Variants in CPLANE1 observed in about 807,000 individuals in gnomAD.
The protein encoded by CPLANE1 is ciliogenesis and planar polarity effector complex subunit 1.
Under a neutral mutation model 362.5 loss-of-function variants are expected in CPLANE1, and 263 were observed. The ratio of observed to expected loss-of-function variants is 0.73; its 90% CI spans 0.66 to 0.80. The LOEUF (loss-of-function observed/expected upper bound fraction) is 0.80, where lower values mean the gene tolerates loss of function less well. CPLANE1 is among the 30% of genes least tolerant of loss of function. CPLANE1 has a pLI of 0.00. For missense variants in CPLANE1, 3,461 were observed against 3,793.4 expected (o/e 0.91, Z 2.30); for synonymous variants, 1,212 against 1,302.6 (o/e 0.93, Z 1.50).
Position 37,106,921 on chromosome 5 carries a change from C to T in CPLANE1, c.*681G>A. The T allele has an allele frequency of 2.0e-6, 2 of 985,258 alleles. No homozygotes were observed. The highest frequency in any genetic ancestry group is 2.4e-6 in the Non-Finnish European group (2 of 829,822). The allele number at this position is 985,258 out of a possible 1,614,324, so 61.0% of individuals were successfully genotyped here. The stretch of plus-strand genomic sequence containing the variant: ...ACCAAAAACTAATCAGGTCTCTGTA[C>T]CATGGTTCTTACAAATTTAAGATGA... On this transcript the variant is annotated 3_prime_UTR_variant, in exon 53 of 53. Coordinates refer to ENST00000651892, the MANE Select transcript of CPLANE1 (RefSeq NM_001384732.1).
chr5:37,154,012 A>G lies in CPLANE1; in HGVS notation c.8120-19T>C, dbSNP rs779674685. Reference sequence around the variant, plus strand: ...GGCAGACCTAAATATTAATAAGAATAAAAGCAGAATTGATTATAATTAAAG... The same window carrying G: ...GGCAGACCTAAATATTAATAAGAATGAAAGCAGAATTGATTATAATTAAAG... On this transcript the variant is annotated intron_variant, in intron 41 of 52. Transcript: ENST00000651892. 3 of 1,579,282 alleles carry G rather than the reference A, an allele frequency of 1.9e-6. No individual in the cohort carries two copies. In the Admixed American group the frequency reaches 5.5e-5, roughly 29 times the overall value.
At chr5:37,242,791 CCAAGG>C (rs1235849938) in intron 6 of CPLANE1, among the ~76,000 whole-genome samples, 2 of 148,158 alleles carry the variant, frequency 1.3e-5, no homozygotes, top group Non-Finnish European at 3.0e-5. Context: ...CTTTGGGAGG[CCAAGG>C]CAGGAGGACT....
intron 3 of CPLANE1, 28 bp from the exon 4 acceptor site, chr5:37,245,626 T>TA (rs936550145): frequency 1.3e-6 from 2 of 1,500,474 alleles, no homozygotes; most frequent in African/African-American, 2.8e-5. Flanking sequence ...ATGCAATACT[T>TA]ACAATCTAGT....
the CPLANE1 span, among the ~76,000 whole-genome samples, chr5:37,076,898 T>C: frequency 6.7e-6 from 1 of 149,966 alleles, no homozygotes; most frequent in African/African-American, 2.5e-5. Flanking sequence ...AGAAGCTGAG[T>C]GTGTAGGTGA....
chr5:37,182,473 T>C (rs755926997), intron 26 of CPLANE1, among the ~76,000 whole-genome samples: 6 of 152,192 alleles, frequency 3.9e-5, no homozygotes, highest in South Asian at 2.1e-4. Flanking sequence ...GGAGAAATAA[T>C]ATACGTGTAA....
chr5:37,208,746 C>T (rs907160308), intron 16 of CPLANE1, among the ~76,000 whole-genome samples: 1 of 149,360 alleles, frequency 6.7e-6, no homozygotes, highest in Non-Finnish European at 1.5e-5. Flanking sequence ...TCCTGAAATT[C>T]CAATCTCAAA....
At chr5:37,242,414 A>G (rs1046429186) in intron 6 of CPLANE1, among the ~76,000 whole-genome samples, 15 of 152,224 alleles carry the variant, frequency 9.9e-5, no homozygotes, top group Non-Finnish European at 1.6e-4. Context: ...CTATTTTTAA[A>G]TAAAAGAACA....
intron 12 of CPLANE1, 145 bp from the exon 13 acceptor site, chr5:37,224,885 A>G: frequency 2.0e-6 from 1 of 511,738 alleles, no homozygotes; most frequent in Non-Finnish European, 3.4e-6. Flanking sequence ...TATAGTGCAA[A>G]ATAAAATGAT....
At chr5:37,157,549 G>T in intron 40 of CPLANE1, 121 bp downstream of exon 40, 2 of 1,119,292 alleles carry the variant, frequency 1.8e-6, no homozygotes, top group Non-Finnish European at 2.6e-6. Context: ...TTCTGTGCAT[G>T]TAAACATCCA....
intron 31 of CPLANE1, among the ~76,000 whole-genome samples, chr5:37,174,564 GT>G (rs201556326): frequency 2.0e-5 from 3 of 148,832 alleles, no homozygotes; most frequent in African/African-American, 4.9e-5. Context: ...AGGTGTTTAG[GT>G]TTTTTTTTTA....
intron 14 of CPLANE1, among the ~76,000 whole-genome samples, chr5:37,223,935 A>T (rs1250071235): frequency 6.6e-6 from 1 of 152,160 alleles, no homozygotes; most frequent in Non-Finnish European, 1.5e-5. Context: ...CTTTATCACA[A>T]ATCAAAGAAA....
At chr5:37,085,155 A>C in the CPLANE1 span, 1 of 776,378 alleles carries the variant, frequency 1.3e-6, no homozygotes. Context: ...TCCATCCACC[A>C]GTCCTCACAA....
chr5:37,105,487 T>C (rs1175920964), downstream of CPLANE1, among the ~76,000 whole-genome samples: 4 of 152,176 alleles, frequency 2.6e-5, no homozygotes, highest in Admixed American at 2.6e-4. Flanking sequence ...AGAATGAAAC[T>C]ACACCTGTAT....
At chr5:37,093,139 T>C in the CPLANE1 span, among the ~76,000 whole-genome samples, 1 of 152,198 alleles carries the variant, frequency 6.6e-6, no homozygotes, top group Non-Finnish European at 1.5e-5. Flanking sequence ...TCAGCCATAG[T>C]CATCCTAGCA....
chr5:37,170,455 G>A, intron 32 of CPLANE1, 124 bp from the exon 33 acceptor site: 1 of 1,053,884 alleles, frequency 9.5e-7, no homozygotes, highest in South Asian at 1.7e-5. Context: ...TGAGAATCAT[G>A]AATGCTGAGC....
chr5:37,091,350 CAAAAATTA>C, the CPLANE1 span, among the ~76,000 whole-genome samples: 20 of 152,104 alleles, frequency 1.3e-4, no homozygotes, highest in African/African-American at 3.9e-4. Flanking sequence ...GGGCAGCCCA[CAAAAATTA>C]AAAAATTAAA....
chr5:37,140,639 T>C (rs1018972141), intron 44 of CPLANE1: 1 of 985,322 alleles, frequency 1.0e-6, no homozygotes, highest in African/African-American at 1.7e-5. Context: ...TGAAGGATTC[T>C]CTTCCAATAA....
intron 34 of CPLANE1, among the ~76,000 whole-genome samples, chr5:37,168,024 A>G (rs1778775303): frequency 6.6e-6 from 1 of 152,170 alleles, no homozygotes; most frequent in African/African-American, 2.4e-5. Flanking sequence ...AGGAATAACC[A>G]TTTCCTTTCC....
chr5:37,181,035 T>G lies in CPLANE1; in HGVS notation c.5422-30A>C, dbSNP rs1371893222. The G allele has an allele frequency of 1.9e-6, 3 of 1,566,492 alleles. No individual in the cohort carries two copies. The African/African-American group carries it at 4.1e-5, about 21-fold the overall frequency. On this transcript the variant is annotated intron_variant, in intron 26 of 52. Transcript: ENST00000651892. Reference sequence around the variant, plus strand: ...AGCAAACCATTTAAAGTATTTAGTATTTATTGAACCCTTTATTTTTCACCA... The same window carrying G: ...AGCAAACCATTTAAAGTATTTAGTAGTTATTGAACCCTTTATTTTTCACCA...
Sources: gnomAD v4.1 joint callset for allele counts (sites outside exome capture counted in the v4.1 genomes callset) on GRCh38, gnomAD v4.1.1 for gene constraint, MANE v1.5 for transcripts, NCBI Gene and HGNC (gene_info 2026-07-23, HGNC 2026-07-21) for gene names.